Variants in PLEKHA2 observed in about 807,000 individuals in gnomAD.
PLEKHA2 encodes pleckstrin homology domain-containing family A member 2.
In PLEKHA2, 28 loss-of-function variants were observed where a neutral mutation model predicts 53.2. The ratio of observed to expected loss-of-function variants is 0.53; its 90% CI spans 0.39 to 0.72. The LOEUF (loss-of-function observed/expected upper bound fraction) is 0.72, where lower values mean the gene tolerates loss of function less well. Among genes scored for constraint, PLEKHA2 ranks in the 30% least tolerant of loss-of-function variants. PLEKHA2 has a pLI of 0.00. For missense variants in PLEKHA2, 426 were observed against 537.9 expected (o/e 0.79, Z 2.06); for synonymous variants, 193 against 196.4 (o/e 0.98, Z 0.14).
At chr8:38,943,466 A>G (rs1031132497) in intron 3 of PLEKHA2, among the ~76,000 whole-genome samples, 2 of 152,122 alleles carry the variant, frequency 1.3e-5, no homozygotes, top group African/African-American at 4.8e-5. Flanking sequence ...AGCCTGGGTG[A>G]CAGAGTGAGA....
chr8:38,970,044 A>G lies in PLEKHA2; in HGVS notation c.*261A>G. On this transcript the variant is annotated 3_prime_UTR_variant, in exon 12 of 12. Transcript: ENST00000617275. The stretch of plus-strand genomic sequence containing the variant: ...TTAGAACTGTAGGCATACTCAGTGG[A>G]GAGGAAGCTACCTATTCTATTCTAA... 3 of 563,136 alleles carry G rather than the reference A, an allele frequency of 5.3e-6. No individual in the cohort carries two copies. The Middle Eastern group carries it at 1.4e-3, about 258-fold the overall frequency. The allele number at this position is 563,136 out of a possible 1,614,324, so 34.9% of individuals were successfully genotyped here.
At chr8:38,915,635 A>C (rs1434968632) in intron 1 of PLEKHA2, among the ~76,000 whole-genome samples, 2 of 152,204 alleles carry the variant, frequency 1.3e-5, no homozygotes, top group African/African-American at 2.4e-5. Context: ...TAGGGTTAGT[A>C]CTTCAACATA....
At chr8:38,909,151 A>G (rs2152364284) in intron 1 of PLEKHA2, among the ~76,000 whole-genome samples, 1 of 152,302 alleles carries the variant, frequency 6.6e-6, no homozygotes, top group Admixed American at 6.5e-5. Context: ...TCAAAAAAAA[A>G]AAAAAGAATT....
In PLEKHA2 at chr8:38,971,565, TAA is replaced by T. The variant is rs1388571484; in HGVS notation, c.*1784_*1785del. 4 of 152,230 alleles carry T rather than the reference TAA, an allele frequency of 2.6e-5. No homozygotes were observed. The highest frequency in any genetic ancestry group is 9.6e-5 in the African/African-American group (4 of 41,466). 9.4% of individuals were successfully genotyped at this position (152,230 alleles called of 1,614,324 possible). A position where few individuals can be genotyped will look rare whatever the true frequency, so the allele number is the denominator to read the frequency against. Reference sequence around the variant, plus strand: ...AAAATAGGGACTTTTGATATCTCTTTAAATATTCCCTGACTCACGGAAAAGAT... The same window carrying T: ...AAAATAGGGACTTTTGATATCTCTTTATATTCCCTGACTCACGGAAAAGAT... On this transcript the variant is annotated 3_prime_UTR_variant, in exon 12 of 12. Transcript: ENST00000617275.
At chr8:38,915,882 A>G (rs1050431703) in intron 1 of PLEKHA2, among the ~76,000 whole-genome samples, 44 of 152,338 alleles carry the variant, frequency 2.9e-4, no homozygotes, top group African/African-American at 9.4e-4. Context: ...TTTATGGGGT[A>G]CATGAGGCTT....
intron 8 of PLEKHA2, among the ~76,000 whole-genome samples, chr8:38,953,023 TAG>T (rs542067682): frequency 8.1e-4 from 124 of 152,320 alleles, no homozygotes; most frequent in African/African-American, 2.9e-3. Context: ...GGATTTTTTG[TAG>T]AGACAGGATT....
chr8:38,963,017 T>C (rs1394445016), intron 10 of PLEKHA2, among the ~76,000 whole-genome samples: 1 of 152,200 alleles, frequency 6.6e-6, no homozygotes, highest in South Asian at 2.1e-4. Flanking sequence ...TGCCTAAAAA[T>C]TTTGGATAGC....
intron 10 of PLEKHA2, among the ~76,000 whole-genome samples, chr8:38,961,630 GTT>G (rs1040018631): frequency 1.1e-4 from 16 of 152,168 alleles, no homozygotes; most frequent in African/African-American, 3.6e-4. Flanking sequence ...GGTGCTGGCA[GTT>G]TTACCCACCA....
At chr8:38,923,341 C>T (rs1396963351) in intron 2 of PLEKHA2, among the ~76,000 whole-genome samples, 3 of 152,122 alleles carry the variant, frequency 2.0e-5, no homozygotes, top group African/African-American at 7.2e-5. Flanking sequence ...TATGGGCACT[C>T]TAGGTGATCC....
At chr8:38,918,161 C>A (rs375203740) in intron 2 of PLEKHA2, 91 bp downstream of exon 2, 1 of 1,466,848 alleles carries the variant, frequency 6.8e-7, no homozygotes, top group South Asian at 1.3e-5. Context: ...GGCCTAGGCT[C>A]GTGAGCAACA....
At chr8:38,929,663 G>A (rs763808156) in intron 2 of PLEKHA2, among the ~76,000 whole-genome samples, 7 of 152,298 alleles carry the variant, frequency 4.6e-5, no homozygotes, top group Middle Eastern at 3.4e-3. Flanking sequence ...CATGTCTGGC[G>A]CATCATAATT....
chr8:38,947,759 T>C (rs1164319546), intron 5 of PLEKHA2, among the ~76,000 whole-genome samples: 2 of 152,036 alleles, frequency 1.3e-5, no homozygotes, highest in Non-Finnish European at 2.9e-5. Flanking sequence ...CAGCCAAGCT[T>C]CTGTGCCTCC....
chr8:38,969,757 G>A lies in PLEKHA2; in HGVS notation c.1252G>A (p.Glu418Lys), dbSNP rs373264189. The change falls in exon 12 of 12, where the codon GAA (glutamate) becomes AAA (lysine). Residue 418 changes from glutamate (E) to lysine (K), a missense_variant. Coordinates refer to ENST00000617275, the MANE Select transcript of PLEKHA2 (RefSeq NM_021623.2). ...EKPFMFNLDD[E>K]NIRTSDV is the part of the protein sequence containing the mutation. Reference sequence around the variant, plus strand: ...GCCGTTTATGTTCAACCTTGATGATGAAAACATACGGACCTCTGATGTGTG... The same window carrying A: ...GCCGTTTATGTTCAACCTTGATGATAAAAACATACGGACCTCTGATGTGTG... The A allele has an allele frequency of 5.4e-6, 7 of 1,294,814 alleles. No homozygotes were observed. Among genetic ancestry groups the A allele is most frequent in the East Asian group, 5.9e-5 (1 of 16,866 alleles). The allele number at this position is 1,294,814 out of a possible 1,614,324, so 80.2% of individuals were successfully genotyped here.
chr8:38,946,326 C>T, intron 5 of PLEKHA2, 105 bp downstream of exon 5: 2 of 967,578 alleles, frequency 2.1e-6, no homozygotes, highest in South Asian at 2.9e-5. Flanking sequence ...GGGACTTTCC[C>T]AGGAGCCTGG....
chr8:38,933,557 C>A (rs909973949), intron 2 of PLEKHA2, among the ~76,000 whole-genome samples: 1 of 151,692 alleles, frequency 6.6e-6, no homozygotes, highest in Non-Finnish European at 1.5e-5. Context: ...GGTGGTGGAC[C>A]CTTAGTCCTC....
At position 38,917,974 on chromosome 8, in the gene PLEKHA2, C is replaced by T; in HGVS notation, c.45C>T (p.Asp15=). ...AGAACCGAATCTGTGGGTTTCTGGA[C>T]ATCGAGGAGCATGAGAACAGCGGCA... The part of the protein sequence containing the change: ...DRQNRICGFL[D]IEEHENSGKF... The change falls in exon 2 of 12, where the codon GAC becomes GAT. Residue 15 remains aspartate, a synonymous_variant. Coordinates refer to ENST00000617275, the MANE Select transcript of PLEKHA2 (RefSeq NM_021623.2). 1 of 1,613,636 alleles carries T rather than the reference C, an allele frequency of 6.2e-7. No individual in the cohort carries two copies. Among genetic ancestry groups the T allele is most frequent in the Non-Finnish European group, 8.5e-7 (1 of 1,179,682 alleles).
chr8:38,943,928 A>G (rs1834659369), intron 4 of PLEKHA2, 91 bp downstream of exon 4: 3 of 1,062,388 alleles, frequency 2.8e-6, no homozygotes, highest in Non-Finnish European at 2.7e-6. Context: ...ACATGTGACT[A>G]TACCCTGTGA....
At chr8:38,905,326 T>C (rs1011010159) in intron 1 of PLEKHA2, among the ~76,000 whole-genome samples, 4 of 151,914 alleles carry the variant, frequency 2.6e-5, no homozygotes, top group African/African-American at 9.7e-5. Context: ...GCTGTAGTAG[T>C]GTGCGCCTGT....
intron 3 of PLEKHA2, among the ~76,000 whole-genome samples, chr8:38,942,219 T>C (rs545715777): frequency 1.6e-4 from 24 of 151,868 alleles, no homozygotes; most frequent in African/African-American, 5.6e-4. Context: ...CTTGACAACA[T>C]AGCGAGACCC....
Sources: allele counts gnomAD v4.1 joint callset (sites outside exome capture counted in the v4.1 genomes callset), GRCh38; gene constraint gnomAD v4.1.1; transcripts MANE v1.5; gene names NCBI Gene and HGNC (gene_info 2026-07-23, HGNC 2026-07-21).